The following ZYG11B variants were observed in gnomAD, a reference collection of about 807,000 sequenced individuals.
ZYG11B encodes the protein protein zyg-11 homolog B.
Under a neutral mutation model 82.4 loss-of-function variants are expected in ZYG11B, and 36 were observed. The ratio of observed to expected loss-of-function variants is 0.44; its 90% confidence interval spans 0.33 to 0.58. ZYG11B has a LOEUF of 0.58. Among genes scored for constraint, ZYG11B ranks in the 20% least tolerant of loss-of-function variants. The pLI, the probability that ZYG11B is intolerant of heterozygous loss-of-function variation, is 0.02. For synonymous variants in ZYG11B, 303 were observed against 312.8 expected, an observed-to-expected ratio of 0.97 and a Z score of 0.33; for missense variants, 552 against 895.6, an observed-to-expected ratio of 0.62 and a Z score of 4.90.
intron 10 of ZYG11B, among the ~76,000 whole-genome samples, chr1:52,812,993 ATTTGT>A (rs981132242): frequency 3.7e-4 from 56 of 152,048 alleles, no homozygotes; most frequent in African/African-American, 1.3e-3. Flanking sequence ...AGCCCTATTT[ATTTGT>A]TTTGTTAGAG....
chr1:52,732,378 G>A (rs956762015), intron 1 of ZYG11B, among the ~76,000 whole-genome samples: 15 of 152,190 alleles, frequency 9.9e-5, no homozygotes, highest in African/African-American at 3.6e-4. Flanking sequence ...ATTATATCTT[G>A]TATACAGAGA....
chr1:52,772,144 G>C, intron 3 of ZYG11B: 2 of 1,233,346 alleles, frequency 1.6e-6, no homozygotes, highest in Admixed American at 1.7e-5. Flanking sequence ...TTTTGTTTTT[G>C]TTTTATTTTA....
chr1:52,824,127 ACT>A lies in ZYG11B; in HGVS notation c.*2501_*2502del, dbSNP rs1374682873. ...ACTCCAGCCTGGACAACGGAGTGAG[ACT>A]CTGGGGAAAAAAAAAATTAAACTTC... On this transcript the variant is annotated 3_prime_UTR_variant, in exon 14 of 14. Coordinates refer to ENST00000294353, the MANE Select transcript of ZYG11B (RefSeq NM_024646.3). 6.6e-6 allele frequency: 1 copy of A among 151,470 alleles called. No homozygotes were observed. Among genetic ancestry groups the A allele is most frequent in the Non-Finnish European group, 1.5e-5 (1 of 67,848 alleles). 9.4% of individuals were successfully genotyped at this position (151,470 alleles called of 1,614,324 possible). A position where few individuals can be genotyped will look rare whatever the true frequency, so the allele number is the denominator to read the frequency against.
intron 4 of ZYG11B, among the ~76,000 whole-genome samples, chr1:52,783,832 G>A (rs939818641): frequency 7.7e-5 from 11 of 142,452 alleles, no homozygotes; most frequent in African/African-American, 1.4e-4. Context: ...GTATACATAC[G>A]TGTGTATATG....
chr1:52,811,423 C>G (rs1031786498), intron 10 of ZYG11B, among the ~76,000 whole-genome samples: 7 of 152,054 alleles, frequency 4.6e-5, no homozygotes, highest in African/African-American at 1.7e-4. Flanking sequence ...GGCTTTTTTC[C>G]CCAGTCTGAT....
At chr1:52,740,565 C>CTTTTTTT (rs57309331) in intron 1 of ZYG11B, among the ~76,000 whole-genome samples, 11 of 124,974 alleles carry the variant, frequency 8.8e-5, no homozygotes, top group African/African-American at 2.8e-4. Context: ...GTACTACCTT[C>CTTTTTTT]TTTTTTTTTT....
chr1:52,742,518 G>A (rs1644438576), intron 1 of ZYG11B, among the ~76,000 whole-genome samples: 1 of 151,932 alleles, frequency 6.6e-6, no homozygotes, highest in South Asian at 2.1e-4. Flanking sequence ...TTTTACAGCT[G>A]TACAATGTGT....
chr1:52,757,017 G>A (rs1245921911), intron 2 of ZYG11B, among the ~76,000 whole-genome samples: 1 of 147,550 alleles, frequency 6.8e-6, no homozygotes, highest in Non-Finnish European at 1.5e-5. Flanking sequence ...TGGGGCAAAC[G>A]TTTTTTGACT....
intron 1 of ZYG11B, among the ~76,000 whole-genome samples, chr1:52,748,308 C>T (rs960614132): frequency 6.6e-6 from 1 of 152,196 alleles, no homozygotes; most frequent in African/African-American, 2.4e-5. Flanking sequence ...TATTCTTGCT[C>T]TGCCATCTGC....
chr1:52,780,085 CT>C lies in ZYG11B; in HGVS notation c.1092+99del, dbSNP rs369349726. On this transcript the variant is annotated intron_variant, in intron 4 of 13. Transcript: ENST00000294353. ...AAATTGGTGAAAATTTGCATTTAGTCTTTTTTTATTATTTATAATGTGATTG... is the reference window on the plus strand; with the variant it reads ...AAATTGGTGAAAATTTGCATTTAGTCTTTTTTATTATTTATAATGTGATTG... 25 of 1,282,086 alleles carry C rather than the reference CT, an allele frequency of 1.9e-5. No individual in the cohort carries two copies. In the African/African-American group the frequency reaches 2.5e-4, roughly 13 times the overall value. The allele number at this position is 1,282,086 out of a possible 1,614,324, so 79.4% of individuals were successfully genotyped here.
intron 3 of ZYG11B, among the ~76,000 whole-genome samples, chr1:52,776,027 C>T (rs936516471): frequency 1.3e-4 from 19 of 148,416 alleles, no homozygotes; most frequent in South Asian, 8.6e-4. Flanking sequence ...ACCAGCCTGA[C>T]GAACATGGAG....
intron 10 of ZYG11B, among the ~76,000 whole-genome samples, chr1:52,812,654 C>T (rs1645193463): frequency 6.6e-6 from 1 of 151,978 alleles, no homozygotes. Context: ...ATCTGCCTGC[C>T]TCAGCCTCCC....
At chr1:52,790,864 G>A (rs74488786) in intron 6 of ZYG11B, among the ~76,000 whole-genome samples, 2,106 of 145,266 alleles carry the variant, frequency 0.014, 57 homozygotes, top group African/African-American at 0.052. Flanking sequence ...AGAGGTTAAG[G>A]GAGGCCATAT....
chr1:52,781,644 C>G (rs1418709521), intron 4 of ZYG11B, among the ~76,000 whole-genome samples: 3 of 152,130 alleles, frequency 2.0e-5, no homozygotes, highest in African/African-American at 7.2e-5. Context: ...TTTTGAAAAC[C>G]AATGAGCTTA....
At chr1:52,741,108 G>A (rs1644425948) in intron 1 of ZYG11B, among the ~76,000 whole-genome samples, 2 of 151,308 alleles carry the variant, frequency 1.3e-5, no homozygotes, top group Admixed American at 1.3e-4. Flanking sequence ...GATCAGTCTG[G>A]CCAACATGGT....
intron 4 of ZYG11B, among the ~76,000 whole-genome samples, chr1:52,783,881 T>TGTATGTAC (rs1491187822): frequency 1.1e-4 from 13 of 120,724 alleles, no homozygotes; most frequent in East Asian, 2.9e-4. Context: ...CACGTGTGTG[T>TGTATGTAC]ATATGTACAT....
At chr1:52,762,212 C>CT (rs1438109698) in intron 2 of ZYG11B, among the ~76,000 whole-genome samples, 14,896 of 131,422 alleles carry the variant, frequency 0.11, 1,693 homozygotes, top group East Asian at 0.35. Context: ...GTTGCCTGTG[C>CT]TTTTTTTTTT....
chr1:52,770,779 A>G (rs1277294477), intron 2 of ZYG11B, among the ~76,000 whole-genome samples: 1 of 152,178 alleles, frequency 6.6e-6, no homozygotes, highest in African/African-American at 2.4e-5. Context: ...GTGGATATCA[A>G]TAATGTCTGC....
At position 52,824,861 on chromosome 1, in the gene ZYG11B, G is replaced by A. The variant is rs893215799; in HGVS notation, c.*3232G>A. 6.6e-6 allele frequency: 1 copy of A among 152,030 alleles called. No homozygotes were observed. The highest frequency in any genetic ancestry group is 2.1e-4 in the South Asian group (1 of 4,816). 9.4% of individuals were successfully genotyped at this position (152,030 alleles called of 1,614,324 possible). On this transcript the variant is annotated 3_prime_UTR_variant, in exon 14 of 14. Transcript: ENST00000294353. ...TCTACAAGGCCTCCTTTTTGCACCTGTAGACTAGAATATAACTGTTATTGG... is the reference window on the plus strand; with the variant it reads ...TCTACAAGGCCTCCTTTTTGCACCTATAGACTAGAATATAACTGTTATTGG...
Sources: allele counts gnomAD v4.1 joint callset (sites outside exome capture counted in the v4.1 genomes callset), GRCh38; gene constraint gnomAD v4.1.1; transcripts MANE v1.5; gene names NCBI Gene and HGNC (gene_info 2026-07-23, HGNC 2026-07-21).